Variants in KIAA1217 observed in about 807,000 individuals in gnomAD.
The protein encoded by KIAA1217 is sickle tail protein homolog.
KIAA1217 carries 88 observed loss-of-function variants against 163.9 expected under a neutral mutation model. That is an observed-to-expected ratio of 0.54 (90% CI 0.45 to 0.64). The LOEUF is 0.64. Among genes scored for constraint, KIAA1217 ranks in the 30% least tolerant of loss-of-function variants. The pLI, the probability that KIAA1217 is intolerant of heterozygous loss-of-function variation, is 0.00. For synonymous variants in KIAA1217, 903 were observed against 923.1 expected (o/e 0.98, Z 0.39); for missense variants, 2,372 against 2,475.0 (o/e 0.96, Z 0.88).
chr10:23,758,013 T>C (rs563252232), intron 1 of KIAA1217, among the ~76,000 whole-genome samples: 1 of 152,314 alleles, frequency 6.6e-6, no homozygotes, highest in South Asian at 2.1e-4. Context: ...GTTGTCTTTT[T>C]ACTCCTTTAA....
intron 1 of KIAA1217, among the ~76,000 whole-genome samples, chr10:23,746,456 C>T (rs1417790655): frequency 1.3e-5 from 2 of 152,088 alleles, no homozygotes; most frequent in African/African-American, 4.8e-5. Context: ...CAGAGTCTTG[C>T]TCTGTCACCC....
intron 1 of KIAA1217, among the ~76,000 whole-genome samples, chr10:23,710,102 A>C (rs1025898611): frequency 1.2e-4 from 19 of 152,218 alleles, no homozygotes; most frequent in Non-Finnish European, 2.1e-4. Context: ...ACATGAATGA[A>C]TGAAGGGATG....
At chr10:23,809,698 C>T (rs928992201) in intron 1 of KIAA1217, among the ~76,000 whole-genome samples, 2 of 151,828 alleles carry the variant, frequency 1.3e-5, no homozygotes, top group Admixed American at 6.6e-5. Context: ...CAAAAACTAA[C>T]CATGTTTCTG....
intron 2 of KIAA1217, among the ~76,000 whole-genome samples, chr10:24,378,210 T>G (rs938369902): frequency 3.9e-5 from 6 of 152,158 alleles, no homozygotes; most frequent in African/African-American, 1.2e-4. Flanking sequence ...AATTTACAAT[T>G]GAGAGTTTAA....
intron 1 of KIAA1217, among the ~76,000 whole-genome samples, chr10:23,841,928 C>T (rs1838807154): frequency 6.6e-6 from 1 of 151,484 alleles, no homozygotes; most frequent in South Asian, 2.1e-4. Context: ...AGTTCACTGG[C>T]ACCATCTCAG....
intron 2 of KIAA1217, among the ~76,000 whole-genome samples, chr10:24,085,575 C>A (rs544399457): frequency 6.6e-6 from 1 of 152,124 alleles, no homozygotes; most frequent in Admixed American, 6.5e-5. Context: ...CATCATGGTG[C>A]CCAGGAATAG....
chr10:23,753,257 A>G (rs1190773356), intron 1 of KIAA1217, among the ~76,000 whole-genome samples: 1 of 152,192 alleles, frequency 6.6e-6, no homozygotes, highest in Non-Finnish European at 1.5e-5. Flanking sequence ...AGCATTGCTT[A>G]AAGCTTTATA....
chr10:24,195,491 T>C (rs1208043780), intron 2 of KIAA1217, among the ~76,000 whole-genome samples: 3 of 152,096 alleles, frequency 2.0e-5, no homozygotes, highest in Non-Finnish European at 4.4e-5. Flanking sequence ...TCTCGAAGGT[T>C]CTTTGGGGAT....
intron 2 of KIAA1217, among the ~76,000 whole-genome samples, chr10:24,364,123 C>A (rs979063190): frequency 6.6e-6 from 1 of 151,936 alleles, no homozygotes; most frequent in Non-Finnish European, 1.5e-5. Flanking sequence ...AGATTACAGG[C>A]GCCCACCACC....
At chr10:23,872,543 C>G (rs1484925553) in intron 1 of KIAA1217, among the ~76,000 whole-genome samples, 1 of 152,066 alleles carries the variant, frequency 6.6e-6, no homozygotes. Context: ...AAATATATCT[C>G]CACTAGCTGG....
At chr10:23,831,056 C>T (rs1039046055) in intron 1 of KIAA1217, among the ~76,000 whole-genome samples, 2 of 152,090 alleles carry the variant, frequency 1.3e-5, no homozygotes, top group African/African-American at 4.8e-5. Flanking sequence ...TAGAACTTGT[C>T]TTCTCTACTG....
intron 14 of KIAA1217, among the ~76,000 whole-genome samples, chr10:24,529,626 A>T (rs1338439101): frequency 6.6e-6 from 1 of 151,676 alleles, no homozygotes; most frequent in Non-Finnish European, 1.5e-5. Flanking sequence ...CACTCACTGC[A>T]TCCCTCCCCC....
intron 2 of KIAA1217, among the ~76,000 whole-genome samples, chr10:24,364,363 C>G (rs1421338348): frequency 6.6e-6 from 1 of 152,158 alleles, no homozygotes. Context: ...GTTGATTTAG[C>G]AGGTATATGT....
At chr10:23,876,427 G>A (rs576917364) in intron 1 of KIAA1217, among the ~76,000 whole-genome samples, 8 of 151,594 alleles carry the variant, frequency 5.3e-5, no homozygotes, top group Admixed American at 1.3e-4. Flanking sequence ...CCACACCTCA[G>A]CATCAAGTAA....
chr10:23,975,449 ACAC>A (rs1436553309), intron 1 of KIAA1217, among the ~76,000 whole-genome samples: 1 of 152,244 alleles, frequency 6.6e-6, no homozygotes, highest in African/African-American at 2.4e-5. Context: ...TAAATGAGAA[ACAC>A]CAAATTTTCT....
intron 2 of KIAA1217, among the ~76,000 whole-genome samples, chr10:24,071,803 T>G (rs1414216378): frequency 2.6e-5 from 4 of 151,834 alleles, no homozygotes; most frequent in Non-Finnish European, 5.9e-5. Context: ...AGAAGAAAAA[T>G]AAAGTGAGTG....
At chr10:23,917,593 G>A (rs1040255213) in intron 1 of KIAA1217, among the ~76,000 whole-genome samples, 3 of 152,304 alleles carry the variant, frequency 2.0e-5, no homozygotes, top group South Asian at 2.1e-4. Flanking sequence ...AGTGACTATA[G>A]TTTTAGTTTG....
rs377199487 is a variant in KIAA1217, at chr10:24,449,715, C to A, written c.846+11236C>A. On this transcript the variant is annotated intron_variant, in intron 5 of 20. Coordinates refer to ENST00000376454, the MANE Select transcript of KIAA1217 (RefSeq NM_019590.5). ...GAGAGGGGTGGTTTCGAGGTCTCTG[C>A]AAGTCTAGAAAGTTTCTTCTAGAAA... 21 of 985,382 alleles carry A rather than the reference C, an allele frequency of 2.1e-5. No homozygotes were observed. In the African/African-American group the frequency reaches 3.5e-4, roughly 16 times the overall value. 61.0% of individuals were successfully genotyped at this position (985,382 alleles called of 1,614,324 possible). A position where few individuals can be genotyped will look rare whatever the true frequency, so the allele number is the denominator to read the frequency against.
chr10:24,245,086 A>T (rs1172799679), intron 2 of KIAA1217, among the ~76,000 whole-genome samples: 1 of 152,158 alleles, frequency 6.6e-6, no homozygotes, highest in Admixed American at 6.5e-5. Context: ...AAGGTAGGTG[A>T]TAGCATTGGT....
Sources: allele counts gnomAD v4.1 joint callset (sites outside exome capture counted in the v4.1 genomes callset), GRCh38; gene constraint gnomAD v4.1.1; transcripts MANE v1.5; gene names NCBI Gene and HGNC (gene_info 2026-07-23, HGNC 2026-07-21).